The following KIAA0319L variants were observed in gnomAD, a reference collection of about 807,000 sequenced individuals.
The protein encoded by KIAA0319L is KIAA0319 like.
KIAA0319L carries 55 observed loss-of-function variants against 120.1 expected under a neutral mutation model. That is an observed-to-expected ratio of 0.46 (90% confidence interval 0.37 to 0.57). The LOEUF is 0.57. Among genes scored for constraint, KIAA0319L ranks in the 20% least tolerant of loss-of-function variants. KIAA0319L has a pLI of 0.00. For missense variants in KIAA0319L, 1,049 were observed against 1,255.3 expected, an observed-to-expected ratio of 0.84 and a Z score of 2.48; for synonymous variants, 398 against 471.9, an observed-to-expected ratio of 0.84 and a Z score of 2.03.
At position 35,478,957 on chromosome 1, in the gene KIAA0319L, G is replaced by C. The variant is rs747684978; in HGVS notation, c.913+9C>G. On this transcript the variant is annotated intron_variant, in intron 4 of 20. Coordinates refer to ENST00000325722, the MANE Select transcript of KIAA0319L (RefSeq NM_024874.5). ...TTTTCCTTCTATCTCCAAGAGCAAA[G>C]GTCCTTACCTGGGTATGGTGCTGAG... 1 of 1,613,180 alleles carries C rather than the reference G, an allele frequency of 6.2e-7. No homozygotes were observed. Among genetic ancestry groups the C allele is most frequent in the Non-Finnish European group, 8.5e-7 (1 of 1,179,442 alleles).
chr1:35,457,187 C>CTATA (rs372765871), intron 9 of KIAA0319L, among the ~76,000 whole-genome samples: 1 of 152,086 alleles, frequency 6.6e-6, no homozygotes, highest in Non-Finnish European at 1.5e-5. Flanking sequence ...CACCCAAGGG[C>CTATA]TATATAGTGA....
chr1:35,553,885 A>AT (rs1206216218), intron 2 of KIAA0319L, among the ~76,000 whole-genome samples: 10 of 152,128 alleles, frequency 6.6e-5, no homozygotes, highest in Admixed American at 6.6e-4. Context: ...TAAGGAACGC[A>AT]TTTTTCCCAT....
At chr1:35,470,555 T>C (rs965122510) in intron 6 of KIAA0319L, among the ~76,000 whole-genome samples, 1 of 149,826 alleles carries the variant, frequency 6.7e-6, no homozygotes, top group Non-Finnish European at 1.5e-5. Flanking sequence ...TGAGTGAATG[T>C]ATGCAGTCAT....
intron 5 of KIAA0319L, 66 bp from the exon 6 acceptor site, chr1:35,471,026 G>T: frequency 1.1e-6 from 1 of 896,296 alleles, no homozygotes; most frequent in Non-Finnish European, 1.9e-6. Context: ...CAGCCACATA[G>T]CCTGCCAATA....
chr1:35,442,808 C>A (rs1420065388), intron 18 of KIAA0319L, 98 bp downstream of exon 18: 1 of 1,417,958 alleles, frequency 7.1e-7, no homozygotes, highest in Non-Finnish European at 9.9e-7. Context: ...CTTCTCCTTG[C>A]CTGCTCATCT....
intron 7 of KIAA0319L, among the ~76,000 whole-genome samples, chr1:35,464,753 G>A (rs1413465130): frequency 1.3e-5 from 2 of 152,204 alleles, no homozygotes; most frequent in African/African-American, 4.8e-5. Context: ...GGCCTAGGAG[G>A]GAAAAATGGT....
chr1:35,453,469 A>T lies in KIAA0319L; in HGVS notation c.1913+88T>A. On this transcript the variant is annotated intron_variant, in intron 12 of 20. Transcript: ENST00000325722. This position sits in a 1 kb window ranked among gnomAD's most constrained non-coding sequence, Gnocchi z 4.1. ...TCACCCCACTGGATAAGCCAATAAG[A>T]GCAACTCAACTCATAATAGCAAATA... 1 of 1,294,548 alleles carries T rather than the reference A, an allele frequency of 7.7e-7. No homozygotes were observed. Among genetic ancestry groups the T allele is most frequent in the Non-Finnish European group, 1.1e-6 (1 of 913,840 alleles). The allele number at this position is 1,294,548 out of a possible 1,614,324, so 80.2% of individuals were successfully genotyped here.
chr1:35,489,811 C>T (rs189921715), intron 3 of KIAA0319L, among the ~76,000 whole-genome samples: 17 of 151,684 alleles, frequency 1.1e-4, no homozygotes, highest in South Asian at 6.2e-4. Context: ...AGATTACAGG[C>T]GCCTGCCACT....
chr1:35,523,958 C>T (rs1474894776), intron 2 of KIAA0319L, among the ~76,000 whole-genome samples: 1 of 152,130 alleles, frequency 6.6e-6, no homozygotes, highest in East Asian at 1.9e-4. Flanking sequence ...CCAAGTTACA[C>T]AAGAATGTCA....
intron 2 of KIAA0319L, among the ~76,000 whole-genome samples, chr1:35,553,365 A>C (rs1647445521): frequency 6.6e-6 from 1 of 152,136 alleles, no homozygotes; most frequent in African/African-American, 2.4e-5. Context: ...AAAAAAAAAA[A>C]AAACCATGTA....
intron 10 of KIAA0319L, chr1:35,454,811 G>A (rs547112052): frequency 4.3e-5 from 10 of 234,086 alleles, no homozygotes; most frequent in African/African-American, 8.9e-5. Context: ...AAAGAATACC[G>A]TGAACAAACA....
intron 2 of KIAA0319L, among the ~76,000 whole-genome samples, chr1:35,515,208 A>G (rs1040579647): frequency 6.6e-6 from 1 of 151,442 alleles, no homozygotes; most frequent in Admixed American, 6.6e-5. Context: ...GCTACTTGGG[A>G]GGCTGAGATA....
In KIAA0319L at chr1:35,450,452, G is replaced by A. The variant is rs764655401; in HGVS notation, c.2120C>T (p.Thr707Met). The change falls in exon 14 of 21, where the codon ACG (threonine) becomes ATG (methionine). Residue 707 changes from threonine (T) to methionine (M), a missense_variant. Coordinates refer to ENST00000325722, the MANE Select transcript of KIAA0319L (RefSeq NM_024874.5). ...ITGNVVITLP[T>M]STAELDGSKS... The stretch of plus-strand genomic sequence containing the variant: ...AGAGCCATCCAGCTCTGCTGTGCTC[G>A]TGGGTAGGGTAATCACCACATTCCC... The A allele has an allele frequency of 1.5e-5, 25 of 1,613,900 alleles. No homozygotes were observed. Among genetic ancestry groups the A allele is most frequent in the African/African-American group, 2.7e-5 (2 of 74,920 alleles).
At chr1:35,471,651 AT>A (rs1194508016) in intron 5 of KIAA0319L, among the ~76,000 whole-genome samples, 1 of 152,182 alleles carries the variant, frequency 6.6e-6, no homozygotes, top group Admixed American at 6.5e-5. Context: ...GTAGTCTTAA[AT>A]TTTTTTGGAT....
Position 35,484,764 on chromosome 1 carries a change from A to G in KIAA0319L, c.667-5552T>C, listed in dbSNP as rs549180536. Reference sequence around the variant, plus strand: ...ACCTTTGAACACGATTTAAGTTTTTAATCATATATATATATATATATATAT... The same window carrying G: ...ACCTTTGAACACGATTTAAGTTTTTGATCATATATATATATATATATATAT... On this transcript the variant is annotated intron_variant, in intron 3 of 20. Coordinates refer to ENST00000325722, the MANE Select transcript of KIAA0319L (RefSeq NM_024874.5). Among the ~76,000 whole-genome samples, 6 of 114,310 alleles carry G rather than the reference A, an allele frequency of 5.2e-5. No homozygotes were observed. In the East Asian group the frequency reaches 1.4e-3, roughly 28 times the overall value. The allele number at this position is 114,310 out of a possible 152,430, so 75.0% of individuals were successfully genotyped here.
At chr1:35,526,071 A>G (rs1646114097) in intron 2 of KIAA0319L, among the ~76,000 whole-genome samples, 1 of 151,972 alleles carries the variant, frequency 6.6e-6, no homozygotes, top group Non-Finnish European at 1.5e-5. Flanking sequence ...CAGTTTTCCC[A>G]GGACCATTTG....
In KIAA0319L at chr1:35,448,314, A is replaced by G; in HGVS notation, c.2372T>C (p.Leu791Pro). The change falls in exon 16 of 21, where the codon CTG becomes CCG. Residue 791 changes from leucine (L) to proline (P), a missense_variant. Physicochemically the swap from Leu to Pro is moderately conservative, Grantham distance 98. Transcript: ENST00000325722. ...EVKPDPRKNN[L>P]VEIILDINVS... Reference sequence around the variant, plus strand: ...GTTGATATCCAAGATGATCTCCACCAGGTTGTTTTTCCTGGGATCTGGAAA... The same window carrying G: ...GTTGATATCCAAGATGATCTCCACCGGGTTGTTTTTCCTGGGATCTGGAAA... The G allele has an allele frequency of 6.2e-7, 1 of 1,614,080 alleles. No individual in the cohort carries two copies. Among genetic ancestry groups the G allele is most frequent in the Non-Finnish European group, 8.5e-7 (1 of 1,179,954 alleles).
chr1:35,444,440 A>G, intron 16 of KIAA0319L, 137 bp from the exon 17 acceptor site: 2 of 807,514 alleles, frequency 2.5e-6, no homozygotes, highest in Non-Finnish European at 1.8e-6. Flanking sequence ...CAAGCCAGTG[A>G]GAAAGGTGTT....
At chr1:35,464,363 G>A (rs1042470575) in intron 7 of KIAA0319L, among the ~76,000 whole-genome samples, 3 of 152,194 alleles carry the variant, frequency 2.0e-5, no homozygotes, top group Admixed American at 2.0e-4. Context: ...TGGAGCAAAG[G>A]TGACTCTTGC....
Sources: allele counts gnomAD v4.1 joint callset (sites outside exome capture counted in the v4.1 genomes callset), GRCh38; gene constraint gnomAD v4.1.1; non-coding constraint Gnocchi (gnomAD v3.1); transcripts MANE v1.5; gene names NCBI Gene and HGNC (gene_info 2026-07-23, HGNC 2026-07-21).